Variants in CFAP97D2 observed in about 807,000 individuals in gnomAD.
CFAP97D2 encodes the protein uncharacterized protein CFAP97D2.
chr13:114,198,512 C>G (rs2080897584), intron 2 of CFAP97D2, among the ~76,000 whole-genome samples: 1 of 152,374 alleles, frequency 6.6e-6, no homozygotes, highest in South Asian at 2.1e-4. Flanking sequence ...ACCACCGCCA[C>G]ATGTTACTTT....
chr13:114,180,382 C>T, intron 1 of CFAP97D2, among the ~76,000 whole-genome samples: 1 of 152,160 alleles, frequency 6.6e-6, no homozygotes. Context: ...GCACCCAGCC[C>T]CCACCCCACG....
At chr13:114,210,750 C>T (rs1241673344) in intron 3 of CFAP97D2, among the ~76,000 whole-genome samples, 2 of 152,054 alleles carry the variant, frequency 1.3e-5, no homozygotes, top group African/African-American at 2.4e-5. Flanking sequence ...AGCTCAAGCC[C>T]AGCTCCAGCC....
intron 1 of CFAP97D2, among the ~76,000 whole-genome samples, chr13:114,181,694 A>G (rs1283237260): frequency 6.6e-6 from 1 of 152,188 alleles, no homozygotes; most frequent in Non-Finnish European, 1.5e-5. Context: ...CTTGGCTGAG[A>G]ATCTCTGAAA....
intron 4 of CFAP97D2, chr13:114,212,276 C>T (rs1161272056): frequency 2.5e-6 from 1 of 392,506 alleles, no homozygotes; most frequent in Non-Finnish European, 4.5e-6. Flanking sequence ...AGATGCAAAA[C>T]AGTCACTCAG....
intron 1 of CFAP97D2, among the ~76,000 whole-genome samples, chr13:114,182,100 A>T (rs982319431): frequency 2.0e-5 from 3 of 151,502 alleles, no homozygotes; most frequent in African/African-American, 7.3e-5. Flanking sequence ...ATTGATTATT[A>T]TTTTCATTAT....
At chr13:114,221,713 T>TA (rs879790631) in intron 4 of CFAP97D2, among the ~76,000 whole-genome samples, 197 of 113,682 alleles carry the variant, frequency 1.7e-3, no homozygotes, top group African/African-American at 3.4e-3. Flanking sequence ...TAAAGTGTAA[T>TA]AAAAAAAAAA....
chr13:114,196,286 G>C (rs187663492), intron 1 of CFAP97D2, 110 bp from the exon 2 acceptor site: 373 of 397,520 alleles, frequency 9.4e-4, no homozygotes, highest in African/African-American at 6.6e-3. Flanking sequence ...ACTTCAGGCC[G>C]TGTGCTGACA....
At chr13:114,205,189 T>C (rs958819321) in intron 3 of CFAP97D2, among the ~76,000 whole-genome samples, 3 of 152,240 alleles carry the variant, frequency 2.0e-5, no homozygotes, top group Non-Finnish European at 2.9e-5. Flanking sequence ...TTGGTGACCA[T>C]GTGGGGAAAT....
rs2138768615 is a variant in CFAP97D2 at position 114,199,952 on chromosome 13, CGATGAG to C, written c.172-371_172-366del. 3.3e-4 allele frequency among the ~76,000 whole-genome samples: 12 copies of C among 36,664 alleles called. 1 individual carries two copies. The highest frequency in any genetic ancestry group is 8.3e-4 in the East Asian group (1 of 1,208). The allele number at this position is 36,664 out of a possible 152,430, so 24.1% of individuals were successfully genotyped here. A position where few individuals can be genotyped will look rare whatever the true frequency, so the allele number is the denominator to read the frequency against. ...GGCGCGTCCCCGTGCTTACGGTCCC[CGATGAG>C]GCGTGACGGCGCGTCCCCGTGCTTA... On this transcript the variant is annotated intron_variant, in intron 2 of 4. Transcript: ENST00000646158.
At chr13:114,192,410 AT>A (rs961540997) in intron 1 of CFAP97D2, among the ~76,000 whole-genome samples, 1 of 152,098 alleles carries the variant, frequency 6.6e-6, no homozygotes, top group African/African-American at 2.4e-5. Context: ...ATCATTTAAA[AT>A]TTTTTTTAAA....
intron 1 of CFAP97D2, among the ~76,000 whole-genome samples, chr13:114,192,991 C>T (rs549908291): frequency 6.6e-6 from 1 of 152,280 alleles, no homozygotes; most frequent in South Asian, 2.1e-4. Flanking sequence ...TAATATCTCA[C>T]CTCAAAGCCA....
rs1281879773 is a variant in CFAP97D2, at chr13:114,211,919, A to T, written c.298A>T (p.Arg100Trp). 10 of 398,638 alleles carry T rather than the reference A, an allele frequency of 2.5e-5. No homozygotes were observed. The East Asian group carries it at 3.2e-4, about 13-fold the overall frequency. 24.7% of individuals were successfully genotyped at this position (398,638 alleles called of 1,614,324 possible). A position where few individuals can be genotyped will look rare whatever the true frequency, so the allele number is the denominator to read the frequency against. Reference sequence around the variant, plus strand: ...GTGTGCTCTTTCGTGGAGTCTGCACAGGGGGAAGAGAGAACAGGAACTTCG... The same window carrying T: ...GTGTGCTCTTTCGTGGAGTCTGCACTGGGGGAAGAGAGAACAGGAACTTCG... Residue 100 changes from arginine to tryptophan, a missense_variant, in exon 4 of 5, where the codon AGG becomes TGG. Transcript: ENST00000646158. The surrounding 1 kb of genome is among the most constrained non-coding windows in gnomAD (Gnocchi z 4.2).
chr13:114,188,588 T>C (rs1162047123), intron 1 of CFAP97D2, among the ~76,000 whole-genome samples: 1 of 151,900 alleles, frequency 6.6e-6, no homozygotes, highest in Non-Finnish European at 1.5e-5. Flanking sequence ...CCATCCTGGC[T>C]AACACGGTGA....
At chr13:114,208,761 A>G (rs6560941) in intron 3 of CFAP97D2, among the ~76,000 whole-genome samples, 42,304 of 152,108 alleles carry the variant, frequency 0.28, 7,802 homozygotes, top group East Asian at 0.56. Context: ...ACTATGTGCC[A>G]AATCTCCCAG....
intron 3 of CFAP97D2, among the ~76,000 whole-genome samples, chr13:114,206,249 C>T (rs994547963): frequency 5.9e-5 from 9 of 151,898 alleles, no homozygotes; most frequent in African/African-American, 1.2e-4. Flanking sequence ...ATTACAGGCG[C>T]GTGCCACCAC....
chr13:114,198,810 T>C (rs182849739), intron 2 of CFAP97D2, among the ~76,000 whole-genome samples: 3 of 61,304 alleles, frequency 4.9e-5, no homozygotes, highest in Non-Finnish European at 2.6e-5. Context: ...GGTCCCCGTG[T>C]GTACGGTCCC....
intron 1 of CFAP97D2, among the ~76,000 whole-genome samples, chr13:114,188,414 G>A (rs61248822): frequency 6.6e-6 from 1 of 152,110 alleles, no homozygotes; most frequent in African/African-American, 2.4e-5. Context: ...GGAAATTTAG[G>A]GCATTGAATG....
At chr13:114,206,015 A>G (rs763026347) in intron 3 of CFAP97D2, among the ~76,000 whole-genome samples, 37 of 151,992 alleles carry the variant, frequency 2.4e-4, no homozygotes, top group African/African-American at 8.7e-4. Context: ...TGCAGTCTGC[A>G]TTGCCGAGCT....
intron 4 of CFAP97D2, among the ~76,000 whole-genome samples, chr13:114,216,801 T>A (rs1327852669): frequency 6.6e-6 from 1 of 152,240 alleles, no homozygotes; most frequent in Non-Finnish European, 1.5e-5. Flanking sequence ...TTTGGGTATA[T>A]GCCCAGTAAT....
Sources: allele counts gnomAD v4.1 joint callset (sites outside exome capture counted in the v4.1 genomes callset), GRCh38; gene constraint gnomAD v4.1.1; non-coding constraint Gnocchi (gnomAD v3.1); transcripts MANE v1.5; gene names NCBI Gene and HGNC (gene_info 2026-07-23, HGNC 2026-07-21).